The following ATP13A4 variants were observed in gnomAD, a reference collection of about 807,000 sequenced individuals.
ATP13A4 encodes the protein probable cation-transporting ATPase 13A4.
Under a neutral mutation model 142.5 loss-of-function variants are expected in ATP13A4, and 114 were observed. The ratio of observed to expected loss-of-function variants is 0.80; its 90% CI spans 0.69 to 0.93. The LOEUF (loss-of-function observed/expected upper bound fraction) is 0.93, where lower values mean the gene tolerates loss of function less well. ATP13A4 is among the 40% of genes least tolerant of loss of function. The pLI is 0.00. For missense variants in ATP13A4, 1,392 were observed against 1,454.0 expected (o/e 0.96, Z 0.69); for synonymous variants, 488 against 514.8 (o/e 0.95, Z 0.70).
chr3:193,485,426 T>C (rs1719551574), intron 7 of ATP13A4, among the ~76,000 whole-genome samples: 1 of 152,160 alleles, frequency 6.6e-6, no homozygotes, highest in African/African-American at 2.4e-5. Flanking sequence ...TATACCCTTT[T>C]CATAATGGCA....
intron 1 of ATP13A4, among the ~76,000 whole-genome samples, chr3:193,518,152 C>T (rs1252546510): frequency 2.0e-5 from 3 of 152,148 alleles, no homozygotes; most frequent in Non-Finnish European, 4.4e-5. Context: ...CATTCTTGCA[C>T]TGCAGTAATC....
At chr3:193,409,702 A>G (rs1444159476) in intron 28 of ATP13A4, among the ~76,000 whole-genome samples, 3 of 152,376 alleles carry the variant, frequency 2.0e-5, no homozygotes, top group Non-Finnish European at 4.4e-5. Context: ...CAAAAATAAG[A>G]AGACTCATGC....
intron 8 of ATP13A4, among the ~76,000 whole-genome samples, chr3:193,471,419 TA>T (rs1007244584): frequency 6.6e-6 from 1 of 151,472 alleles, no homozygotes; most frequent in African/African-American, 2.4e-5. Context: ...AAATAAAAAA[TA>T]AAAAAATTAG....
intron 28 of ATP13A4, among the ~76,000 whole-genome samples, chr3:193,409,367 TA>T (rs1272212051): frequency 6.6e-6 from 1 of 151,558 alleles, no homozygotes; most frequent in Non-Finnish European, 1.5e-5. Flanking sequence ...ATAAGAAAAA[TA>T]ATTGTTTTAA....
At chr3:193,590,501 A>G (rs1394582947) in intron 1 of ATP13A4, among the ~76,000 whole-genome samples, 1 of 152,218 alleles carries the variant, frequency 6.6e-6, no homozygotes. Context: ...TATAGAAACC[A>G]TACCTACGTC....
intron 21 of ATP13A4, among the ~76,000 whole-genome samples, chr3:193,439,474 G>A (rs148395408): frequency 6.6e-6 from 1 of 152,160 alleles, no homozygotes; most frequent in South Asian, 2.1e-4. Flanking sequence ...GCTACGAAGG[G>A]CTATGAGTAT....
chr3:193,460,625 A>G (rs1039966428), intron 13 of ATP13A4, among the ~76,000 whole-genome samples: 6 of 152,248 alleles, frequency 3.9e-5, no homozygotes, highest in African/African-American at 1.2e-4. Context: ...CCAGCAGGAC[A>G]GTTAACACAG....
chr3:193,537,493 T>C (rs1722648990), intron 1 of ATP13A4, among the ~76,000 whole-genome samples: 1 of 152,000 alleles, frequency 6.6e-6, no homozygotes, highest in Non-Finnish European at 1.5e-5. Flanking sequence ...TTGGAGAAAA[T>C]CTCAGGACGT....
At chr3:193,489,386 C>T (rs868466777) in intron 7 of ATP13A4, among the ~76,000 whole-genome samples, 2 of 152,190 alleles carry the variant, frequency 1.3e-5, no homozygotes, top group Admixed American at 6.5e-5. Context: ...TAGACTCCTC[C>T]ACCTTCCAGC....
chr3:193,448,960 G>A (rs1458079985), intron 17 of ATP13A4, among the ~76,000 whole-genome samples: 1 of 151,896 alleles, frequency 6.6e-6, no homozygotes, highest in African/African-American at 2.4e-5. Flanking sequence ...TTTTAGTTCT[G>A]GCACAAAGCA....
chr3:193,451,782 C>A (rs935547702), intron 17 of ATP13A4, among the ~76,000 whole-genome samples: 3 of 152,126 alleles, frequency 2.0e-5, no homozygotes, highest in Admixed American at 6.5e-5. Context: ...GCTGGAAGCA[C>A]CCTGAGTAAC....
intron 8 of ATP13A4, among the ~76,000 whole-genome samples, chr3:193,480,596 A>C (rs1719234137): frequency 6.6e-6 from 1 of 152,146 alleles, no homozygotes; most frequent in Non-Finnish European, 1.5e-5. Context: ...TTACTCCTGC[A>C]AGAACGGCCA....
chr3:193,445,391 G>A (rs992409914), intron 18 of ATP13A4, among the ~76,000 whole-genome samples: 1 of 149,928 alleles, frequency 6.7e-6, no homozygotes. Flanking sequence ...AGCCGAGATC[G>A]CACCACTGCA....
chr3:193,441,738 G>C (rs982956992), intron 19 of ATP13A4, 150 bp from the exon 20 acceptor site: 5 of 911,900 alleles, frequency 5.5e-6, no homozygotes, highest in African/African-American at 1.6e-5. Flanking sequence ...CTTTTTGCTG[G>C]ATCAATCTTT....
chr3:193,438,494 A>C lies in ATP13A4; in HGVS notation c.2653T>G (p.Cys885Gly). 6.2e-7 allele frequency: 1 copy of C among 1,613,534 alleles called. No individual in the cohort carries two copies. The highest frequency in any genetic ancestry group is 8.5e-7 in the Non-Finnish European group (1 of 1,179,424). Residue 885 changes from cysteine (C) to glycine (G), a missense_variant, in exon 23 of 30, where the codon TGC becomes GGC. Transcript: ENST00000342695. Reference sequence around the variant, plus strand: ...ACTTACTTGATAAGGTGAGGTACGCACTCAATGTTTGGAGTTTTGGAAGTG... The same window carrying C: ...ACTTACTTGATAAGGTGAGGTACGCCCTCAATGTTTGGAGTTTTGGAAGTG... ...PFTSKTPNIE[C>G]VPHLIKEGRA...
At chr3:193,561,122 C>T (rs1249900537) in intron 2 of ATP13A4, among the ~76,000 whole-genome samples, 12 of 152,202 alleles carry the variant, frequency 7.9e-5, no homozygotes, top group Admixed American at 7.9e-4. Flanking sequence ...AACAGTAGTA[C>T]CCACAGGGGA....
At chr3:193,527,069 G>A (rs571860821) in intron 1 of ATP13A4, among the ~76,000 whole-genome samples, 5 of 152,236 alleles carry the variant, frequency 3.3e-5, no homozygotes, top group East Asian at 3.9e-4. Context: ...CAAGAGTTGC[G>A]GCCCACAGCT....
intron 25 of ATP13A4, among the ~76,000 whole-genome samples, chr3:193,430,936 A>G (rs1715935693): frequency 6.6e-6 from 1 of 152,120 alleles, no homozygotes; most frequent in South Asian, 2.1e-4. Context: ...AAGATCAGCT[A>G]TAAAGTTGTT....
At chr3:193,466,643 A>C (rs1207853098) in intron 10 of ATP13A4, among the ~76,000 whole-genome samples, 1 of 152,252 alleles carries the variant, frequency 6.6e-6, no homozygotes, top group African/African-American at 2.4e-5. Flanking sequence ...CCTGAGTTCT[A>C]GGTCCAGCTC....
Sources: gnomAD v4.1 joint callset for allele counts (sites outside exome capture counted in the v4.1 genomes callset) on GRCh38, gnomAD v4.1.1 for gene constraint, MANE v1.5 for transcripts, NCBI Gene and HGNC (gene_info 2026-07-23, HGNC 2026-07-21) for gene names.